The following ASAP2 variants were observed in gnomAD, a reference collection of about 807,000 sequenced individuals.
ASAP2 encodes ArfGAP with SH3 domain, ankyrin repeat and PH domain 2.
In ASAP2, 45 loss-of-function variants were observed where a neutral mutation model predicts 131.4. That is an observed-to-expected ratio of 0.34 (90% confidence interval 0.27 to 0.44). ASAP2 has a LOEUF of 0.44. Ranked by LOEUF, ASAP2 falls within the 20% of genes least tolerant of loss-of-function variation. ASAP2 has a pLI of 1.00. For synonymous variants in ASAP2, 510 were observed against 503.0 expected (o/e 1.01, Z -0.19); for missense variants, 1,011 against 1,297.0 (o/e 0.78, Z 3.39).
rs1488535615 is a variant in ASAP2 at position 9,297,328 on chromosome 2, C to T, written c.228C>T (p.Thr76=). 1.9e-6 allele frequency: 3 copies of T among 1,613,948 alleles called. No individual in the cohort carries two copies. The highest frequency in any genetic ancestry group is 1.3e-5 in the African/African-American group (1 of 74,884). The change falls in exon 3 of 28, where the codon ACC becomes ACT. Residue 76 remains threonine (T), a synonymous_variant. Transcript: ENST00000281419. ...ACGTGGAAAATGAAGAGCAGTACAC[C>T]CAGGCTCTGGAGAAGTTTGGCGGCA... The part of the protein sequence containing the change: ...LAHVENEEQY[T]QALEKFGGNC...
chr2:9,251,563 A>T (rs1467159407), intron 1 of ASAP2, among the ~76,000 whole-genome samples: 1 of 152,198 alleles, frequency 6.6e-6, no homozygotes, highest in Non-Finnish European at 1.5e-5. Flanking sequence ...ACTAAAACGC[A>T]TTACCTCATC....
intron 21 of ASAP2, among the ~76,000 whole-genome samples, chr2:9,386,099 G>A (rs1675240760): frequency 1.3e-5 from 2 of 151,848 alleles, no homozygotes. Context: ...GCTCTGTGCT[G>A]AATTAGTGGC....
intron 17 of ASAP2, 93 bp from the exon 18 acceptor site, chr2:9,376,815 C>A: frequency 1.7e-6 from 2 of 1,152,280 alleles, no homozygotes; most frequent in Non-Finnish European, 2.6e-6. Flanking sequence ...AGATAAAAGA[C>A]TTTTGGAAGA....
At chr2:9,258,050 C>T (rs1217712004) in intron 1 of ASAP2, among the ~76,000 whole-genome samples, 1 of 152,116 alleles carries the variant, frequency 6.6e-6, no homozygotes, top group Non-Finnish European at 1.5e-5. Flanking sequence ...CTGCTACCCC[C>T]ACAACCAGTG....
At chr2:9,221,296 G>A (rs1361763960) in intron 1 of ASAP2, among the ~76,000 whole-genome samples, 4 of 151,074 alleles carry the variant, frequency 2.6e-5, no homozygotes, top group Non-Finnish European at 5.9e-5. Context: ...TATGAACTTG[G>A]AAGTTTTTTT....
In ASAP2 at chr2:9,232,989, G is replaced by A. The variant is rs1663275606; in HGVS notation, c.126+25759G>A. On this transcript the variant is annotated intron_variant, in intron 1 of 27. Coordinates refer to ENST00000281419, the MANE Select transcript of ASAP2 (RefSeq NM_003887.3). This position sits in a 1 kb window ranked among gnomAD's most constrained non-coding sequence, Gnocchi z 4.1. ...GTATCTATTGCCAGCAGGAATCCAA[G>A]GATTTCCTTTATTATTTCCAAATTG... Among the ~76,000 whole-genome samples, 1 of 152,346 alleles carries A rather than the reference G, an allele frequency of 6.6e-6. No individual in the cohort carries two copies. Among genetic ancestry groups the A allele is most frequent in the South Asian group, 2.1e-4 (1 of 4,824 alleles).
At chr2:9,343,245 T>C (rs1671711963) in intron 9 of ASAP2, among the ~76,000 whole-genome samples, 2 of 152,170 alleles carry the variant, frequency 1.3e-5, no homozygotes, top group African/African-American at 4.8e-5. Flanking sequence ...TCCCTGTTTC[T>C]CCCATTATGG....
At chr2:9,213,472 A>G (rs1392699784) in intron 1 of ASAP2, among the ~76,000 whole-genome samples, 1 of 152,180 alleles carries the variant, frequency 6.6e-6, no homozygotes, top group Non-Finnish European at 1.5e-5. Context: ...AGGGAATAAC[A>G]TGGTCCGATA....
intron 1 of ASAP2, among the ~76,000 whole-genome samples, chr2:9,275,084 T>TTTTG (rs1553302070): frequency 6.8e-6 from 1 of 147,340 alleles, no homozygotes; most frequent in African/African-American, 2.5e-5. Flanking sequence ...ATTTGTCTGT[T>TTTTG]TTTTTTTTTT....
intron 2 of ASAP2, among the ~76,000 whole-genome samples, chr2:9,279,680 T>C (rs1242475724): frequency 6.6e-6 from 1 of 152,206 alleles, no homozygotes; most frequent in African/African-American, 2.4e-5. Flanking sequence ...CGTACCCACT[T>C]TGTCAGCCTG....
In ASAP2 at chr2:9,391,105, T is replaced by C. The variant is rs1327249213; in HGVS notation, c.2427T>C (p.Ser809=). 11 of 1,614,232 alleles carry C rather than the reference T, an allele frequency of 6.8e-6. No homozygotes were observed. The highest frequency in any genetic ancestry group is 9.3e-6 in the Non-Finnish European group (11 of 1,180,020). ...SSANTLWKTN[S]VSVDGGSRQR... is the part of the protein sequence containing the mutation. The stretch of plus-strand genomic sequence containing the variant: ...CTAACACCCTGTGGAAGACAAACTC[T>C]GTAAGTGTGGACGGTGGAAGCCGGC... The change falls in exon 23 of 28, where the codon TCT becomes TCC. Residue 809 remains serine (S), a synonymous_variant. Coordinates refer to ENST00000281419, the MANE Select transcript of ASAP2 (RefSeq NM_003887.3).
intron 1 of ASAP2, among the ~76,000 whole-genome samples, chr2:9,270,437 T>G (rs1376613537): frequency 6.6e-6 from 1 of 152,144 alleles, no homozygotes; most frequent in East Asian, 1.9e-4. Context: ...TTTTAAATTT[T>G]TGATTATTGT....
intron 1 of ASAP2, among the ~76,000 whole-genome samples, chr2:9,241,066 CT>C (rs1308374406): frequency 6.6e-6 from 1 of 152,136 alleles, no homozygotes; most frequent in African/African-American, 2.4e-5. Context: ...TATTTCTGGA[CT>C]TTTCTGTGGA....
At position 9,335,834 on chromosome 2, in the gene ASAP2, A is replaced by AT. The variant is rs1671169307; in HGVS notation, c.849+658dup. On this transcript the variant is annotated intron_variant, in intron 9 of 27. Transcript: ENST00000281419. Reference sequence around the variant, plus strand: ...CTACAATGTGGGTATCATAATGTGAATTTAGTATAAATCCATTTCCTTGTT... The same window carrying AT: ...CTACAATGTGGGTATCATAATGTGAATTTTAGTATAAATCCATTTCCTTGTT... Among the ~76,000 whole-genome samples the AT allele has an allele frequency of 2.0e-5, 3 of 152,366 alleles. No homozygotes were observed. In the South Asian group the frequency reaches 6.2e-4, roughly 32 times the overall value.
chr2:9,251,587 C>A (rs1249656394), intron 1 of ASAP2, among the ~76,000 whole-genome samples: 2 of 152,138 alleles, frequency 1.3e-5, no homozygotes, highest in Non-Finnish European at 1.5e-5. Flanking sequence ...CTTTCCTTTT[C>A]CCTCCATCCC....
chr2:9,234,110 CAAAAAAAAA>C (rs70948810), intron 1 of ASAP2, among the ~76,000 whole-genome samples: 1 of 76,598 alleles, frequency 1.3e-5, no homozygotes, highest in Non-Finnish European at 2.5e-5. Context: ...AGCTATGTCT[CAAAAAAAAA>C]AAAAAAAAAA....
chr2:9,392,089 A>G lies in ASAP2; in HGVS notation c.2518+893A>G, dbSNP rs1316099544. Among the ~76,000 whole-genome samples the G allele has an allele frequency of 1.3e-5, 2 of 152,150 alleles. No homozygotes were observed. Among genetic ancestry groups the G allele is most frequent in the Non-Finnish European group, 2.9e-5 (2 of 68,024 alleles). Reference sequence around the variant, plus strand: ...TGCCCAGGCTCGAATTCCTGGGCTCAAGTGATCCACCCGCCTTGTCCTCCC... The same window carrying G: ...TGCCCAGGCTCGAATTCCTGGGCTCGAGTGATCCACCCGCCTTGTCCTCCC... On this transcript the variant is annotated intron_variant, in intron 23 of 27. Transcript: ENST00000281419. This position sits in a 1 kb window ranked among gnomAD's most constrained non-coding sequence, Gnocchi z 4.0.
At chr2:9,339,204 C>A (rs551962642) in intron 9 of ASAP2, among the ~76,000 whole-genome samples, 1 of 151,968 alleles carries the variant, frequency 6.6e-6, no homozygotes. Context: ...AAACTGGGGA[C>A]GGGGCAGGAG....
intron 16 of ASAP2, among the ~76,000 whole-genome samples, chr2:9,371,726 A>G (rs1205392661): frequency 4.6e-5 from 7 of 152,096 alleles, no homozygotes; most frequent in African/African-American, 1.7e-4. Flanking sequence ...GGACCATTAT[A>G]CACACCCTGT....
Sources: gnomAD v4.1 joint callset for allele counts (sites outside exome capture counted in the v4.1 genomes callset) on GRCh38, gnomAD v4.1.1 for gene constraint, Gnocchi (gnomAD v3.1) non-coding constraint, MANE v1.5 for transcripts, NCBI Gene and HGNC (gene_info 2026-07-23, HGNC 2026-07-21) for gene names.